Variants in LRRC53 observed in about 807,000 individuals in gnomAD.
The protein encoded by LRRC53 is leucine-rich repeat-containing protein 53.
A neutral mutation model predicts 13.6 loss-of-function variants in LRRC53; 25 were observed. The observed-to-expected ratio is 1.83, with a 90% confidence interval of 1.34 to 2.56. LRRC53 has a LOEUF of 2.56. Ranked by LOEUF, LRRC53 falls within the 30% of genes most tolerant of loss-of-function variation. The pLI is 0.00. For synonymous variants in LRRC53, 204 were observed against 109.8 expected, an observed-to-expected ratio of 1.86 and a Z score of -5.37; for missense variants, 527 against 275.8, an observed-to-expected ratio of 1.91 and a Z score of -6.45.
upstream of LRRC53, among the ~76,000 whole-genome samples, chr1:74,516,344 A>G (rs1029286567): frequency 6.6e-6 from 1 of 152,212 alleles, no homozygotes; most frequent in African/African-American, 2.4e-5. Flanking sequence ...ATGTTGCTAA[A>G]TGATGAAAAT....
intron 1 of LRRC53, chr1:74,492,072 T>C (rs200498664): frequency 2.6e-5 from 39 of 1,488,006 alleles, no homozygotes; most frequent in Non-Finnish European, 3.5e-5. Flanking sequence ...TATTAAACAA[T>C]TGAAATTGCC....
At chr1:74,474,485 C>A (rs45575343) in intron 4 of LRRC53, among the ~76,000 whole-genome samples, 2,401 of 152,040 alleles carry the variant, frequency 0.016, 68 homozygotes, top group African/African-American at 0.055. Flanking sequence ...AGGGCCAGAC[C>A]CCTGTGGTAA....
At chr1:74,487,553 T>A (rs1054330259) in intron 1 of LRRC53, among the ~76,000 whole-genome samples, 2 of 151,992 alleles carry the variant, frequency 1.3e-5, no homozygotes, top group African/African-American at 2.4e-5. Flanking sequence ...AAATGCAAGA[T>A]GAAGCAAGGG....
chr1:74,531,736 T>A, the LRRC53 span, among the ~76,000 whole-genome samples: 1 of 152,210 alleles, frequency 6.6e-6, no homozygotes, highest in Non-Finnish European at 1.5e-5. Context: ...TTAAGTATTA[T>A]TGTATGTGTT....
chr1:74,533,813 CA>C, the LRRC53 span, among the ~76,000 whole-genome samples: 1 of 152,036 alleles, frequency 6.6e-6, no homozygotes, highest in Non-Finnish European at 1.5e-5. Context: ...ATCACAAGGA[CA>C]AAAAACCAAA....
At chr1:74,488,051 AT>A (rs1288019934) in intron 1 of LRRC53, among the ~76,000 whole-genome samples, 1 of 152,350 alleles carries the variant, frequency 6.6e-6, no homozygotes, top group South Asian at 2.1e-4. Context: ...AGGTCAGGCT[AT>A]TTTAATGATC....
intron 2 of LRRC53, among the ~76,000 whole-genome samples, chr1:74,482,333 GA>G (rs1254836913): frequency 2.0e-5 from 3 of 152,290 alleles, no homozygotes; most frequent in Admixed American, 6.5e-5. Context: ...GGGGGATATA[GA>G]GATGCAACAA....
At chr1:74,495,013 T>G (rs1162599365) in intron 1 of LRRC53, among the ~76,000 whole-genome samples, 4 of 152,204 alleles carry the variant, frequency 2.6e-5, no homozygotes, top group African/African-American at 9.6e-5. Context: ...AATCTAGAGA[T>G]GTATACCACT....
At chr1:74,516,315 G>A (rs1570729511), upstream of LRRC53, among the ~76,000 whole-genome samples, 2 of 152,192 alleles carry the variant, frequency 1.3e-5, no homozygotes, top group African/African-American at 2.4e-5. Flanking sequence ...GATGGGGAAG[G>A]GATTCATAAT....
chr1:74,493,493 A>G (rs1000053256), intron 1 of LRRC53, among the ~76,000 whole-genome samples: 1 of 152,216 alleles, frequency 6.6e-6, no homozygotes, highest in African/African-American at 2.4e-5. Context: ...TTCCCAATAG[A>G]TAGTCTCTTT....
chr1:74,499,911 T>C (rs1238890250), intron 1 of LRRC53, among the ~76,000 whole-genome samples: 2 of 152,130 alleles, frequency 1.3e-5, no homozygotes, highest in Non-Finnish European at 2.9e-5. Context: ...CTGAAATCGT[T>C]TGGACTAATT....
chr1:74,481,452 G>T (rs1238435587), intron 2 of LRRC53, among the ~76,000 whole-genome samples: 1 of 152,174 alleles, frequency 6.6e-6, no homozygotes, highest in Non-Finnish European at 1.5e-5. Flanking sequence ...AAGTAAAGGT[G>T]CGAGTTGGGA....
At chr1:74,512,401 T>G (rs972757225) in intron 1 of LRRC53, 125 bp downstream of exon 1, 1 of 152,196 alleles carries the variant, frequency 6.6e-6, no homozygotes, top group Non-Finnish European at 1.5e-5. Context: ...ATTCCTGTAC[T>G]GATGACATCA....
At chr1:74,513,884 G>A (rs998394444), upstream of LRRC53, among the ~76,000 whole-genome samples, 7 of 152,142 alleles carry the variant, frequency 4.6e-5, no homozygotes, top group African/African-American at 1.2e-4. Context: ...AGCCACAACC[G>A]CATCTGCAAA....
At chr1:74,522,543 T>C in the LRRC53 span, among the ~76,000 whole-genome samples, 2 of 152,184 alleles carry the variant, frequency 1.3e-5, no homozygotes, top group African/African-American at 2.4e-5. Flanking sequence ...GAGGGTATTA[T>C]ACATTTAAAA....
the LRRC53 span, among the ~76,000 whole-genome samples, chr1:74,521,510 G>T: frequency 5.4e-4 from 82 of 151,274 alleles, no homozygotes; most frequent in Non-Finnish European, 1.5e-4. Context: ...ATGTATGTGT[G>T]TATGTGTATA....
chr1:74,535,572 C>T, the LRRC53 span, among the ~76,000 whole-genome samples: 4 of 152,156 alleles, frequency 2.6e-5, no homozygotes, highest in African/African-American at 7.2e-5. Context: ...CTGGATCCCT[C>T]TACAGCACCT....
chr1:74,533,868 G>T, the LRRC53 span, among the ~76,000 whole-genome samples: 4 of 152,186 alleles, frequency 2.6e-5, no homozygotes, highest in South Asian at 8.3e-4. Flanking sequence ...ACAATGAGAA[G>T]ACATGTGCTA....
At chr1:74,529,619 T>C in the LRRC53 span, among the ~76,000 whole-genome samples, 23 of 152,230 alleles carry the variant, frequency 1.5e-4, no homozygotes, top group African/African-American at 5.1e-4. Flanking sequence ...TTTGGTTATG[T>C]AGGAGGATGT....
Sources: allele counts gnomAD v4.1 joint callset (sites outside exome capture counted in the v4.1 genomes callset), GRCh38; gene constraint gnomAD v4.1.1; transcripts MANE v1.5; gene names NCBI Gene and HGNC (gene_info 2026-07-23, HGNC 2026-07-21).